Variants in MGST1 observed in about 807,000 individuals in gnomAD.
MGST1 encodes the protein glutathione S-transferase 12.
MGST1 carries 5 observed loss-of-function variants against 8.9 expected under a neutral mutation model. The observed-to-expected ratio is 0.56, with a 90% CI of 0.29 to 1.19. MGST1 has a LOEUF of 1.19. Among genes scored for constraint, MGST1 ranks in the 50% most tolerant of loss-of-function variants. MGST1 has a pLI of 0.08. For synonymous variants in MGST1, 54 were observed against 67.8 expected (o/e 0.80, Z 1.00); for missense variants, 182 against 187.4 (o/e 0.97, Z 0.17).
intron 4 of MGST1, among the ~76,000 whole-genome samples, chr12:16,562,252 G>A (rs1264576258): frequency 6.6e-6 from 1 of 152,068 alleles, no homozygotes; most frequent in Non-Finnish European, 1.5e-5. Context: ...CTGCTTAGGA[G>A]ATCTGCTTAG....
At chr12:16,550,625 A>T (rs944717431) in intron 4 of MGST1, 3 of 152,262 alleles carry the variant, frequency 2.0e-5, no homozygotes, top group Non-Finnish European at 4.4e-5. Flanking sequence ...ATAGACTCTA[A>T]CTCATAGCGG....
intron 1 of MGST1, among the ~76,000 whole-genome samples, chr12:16,422,437 G>C (rs1940847314): frequency 6.6e-6 from 1 of 152,052 alleles, no homozygotes; most frequent in South Asian, 2.1e-4. Flanking sequence ...CCTATTTTCA[G>C]CATGTGCCAC....
At chr12:16,385,392 A>G (rs1467088686) in intron 1 of MGST1, among the ~76,000 whole-genome samples, 3 of 152,078 alleles carry the variant, frequency 2.0e-5, no homozygotes, top group African/African-American at 4.8e-5. Context: ...CTGAGGTTAC[A>G]TCAATCACAT....
intron 4 of MGST1, among the ~76,000 whole-genome samples, chr12:16,484,210 C>A (rs1941383921): frequency 6.6e-6 from 1 of 152,108 alleles, no homozygotes. Context: ...AGAGGTAGAG[C>A]AAGAGGCAGC....
In MGST1 at chr12:16,587,508, T is replaced by C. The variant is rs906266980; in HGVS notation, n.483-2020T>C. Among the ~76,000 whole-genome samples the C allele has an allele frequency of 2.0e-5, 3 of 152,154 alleles. No individual in the cohort carries two copies. Among genetic ancestry groups the C allele is most frequent in the Non-Finnish European group, 4.4e-5 (3 of 68,018 alleles). On this transcript the variant is annotated intron_variant and non_coding_transcript_variant, in intron 4 of 4. Coordinates refer to the MGST1 transcript ENST00000538857. This position sits in a 1 kb window ranked among gnomAD's most constrained non-coding sequence, Gnocchi z 4.3. ...ACTACTAGCAAATAAACTGTGCCTC[T>C]TTTTTAAATAAACCCCTGGCCTTGA...
intron 4 of MGST1, among the ~76,000 whole-genome samples, chr12:16,457,186 C>A (rs1382414943): frequency 6.6e-6 from 1 of 151,960 alleles, no homozygotes; most frequent in African/African-American, 2.4e-5. Context: ...CGACAAAATT[C>A]TTACTAATGC....
rs191478158 is a variant in MGST1 at position 16,455,297 on chromosome 12, A to T, written n.482+71693A>T. Among the ~76,000 whole-genome samples the T allele has an allele frequency of 3.9e-5, 6 of 152,056 alleles. No individual in the cohort carries two copies. In the East Asian group the frequency reaches 1.2e-3, roughly 30 times the overall value. ...ATTCTCTCAACAAATTTATGATATG[A>T]GTACTATTTTGATCTCCATTTTTAA... On this transcript the variant is annotated intron_variant and non_coding_transcript_variant, in intron 4 of 4. Coordinates refer to the MGST1 transcript ENST00000538857.
At chr12:16,564,862 T>G (rs1351517131) in intron 4 of MGST1, among the ~76,000 whole-genome samples, 1 of 152,192 alleles carries the variant, frequency 6.6e-6, no homozygotes, top group Non-Finnish European at 1.5e-5. Flanking sequence ...CATGAGTCAC[T>G]GCAGCCTTGA....
At chr12:16,574,137 A>G (rs1039075368) in intron 4 of MGST1, among the ~76,000 whole-genome samples, 7 of 152,176 alleles carry the variant, frequency 4.6e-5, no homozygotes, top group African/African-American at 1.2e-4. Flanking sequence ...CATTATAAAA[A>G]TGCAACACCA....
chr12:16,478,307 C>T (rs1487146983), intron 4 of MGST1, among the ~76,000 whole-genome samples: 6 of 152,270 alleles, frequency 3.9e-5, no homozygotes, highest in African/African-American at 1.4e-4. Flanking sequence ...GGATTACAGG[C>T]GTGAGTCACC....
At chr12:16,449,155 C>G (rs540875730) in intron 4 of MGST1, among the ~76,000 whole-genome samples, 2 of 152,020 alleles carry the variant, frequency 1.3e-5, no homozygotes, top group Admixed American at 1.3e-4. Flanking sequence ...GCTTAATTGG[C>G]CCACAGTTCT....
chr12:16,526,705 C>A (rs757078757), intron 4 of MGST1, among the ~76,000 whole-genome samples: 2 of 151,794 alleles, frequency 1.3e-5, no homozygotes, highest in Non-Finnish European at 2.9e-5. Context: ...TATAATAAAA[C>A]CAGGTCTTGG....
At chr12:16,479,113 A>G (rs996111969) in intron 4 of MGST1, among the ~76,000 whole-genome samples, 1 of 151,830 alleles carries the variant, frequency 6.6e-6, no homozygotes, top group African/African-American at 2.4e-5. Flanking sequence ...TCTACAGTAT[A>G]GTATAGGAGT....
intron 2 of MGST1, among the ~76,000 whole-genome samples, chr12:16,355,514 T>A (rs1260465247): frequency 6.6e-6 from 1 of 152,006 alleles, no homozygotes; most frequent in African/African-American, 2.4e-5. Context: ...TATTTTGAGG[T>A]ATAATGGAAG....
chr12:16,501,098 GAA>G (rs71054822), intron 4 of MGST1, among the ~76,000 whole-genome samples: 248 of 83,764 alleles, frequency 3.0e-3, no homozygotes, highest in African/African-American at 9.1e-3. Flanking sequence ...ACTCTGTCTC[GAA>G]AAAAAAAAAA....
chr12:16,406,226 G>GA (rs1191387548), intron 1 of MGST1, among the ~76,000 whole-genome samples: 1 of 152,042 alleles, frequency 6.6e-6, no homozygotes, highest in Non-Finnish European at 1.5e-5. Context: ...TTTCAGGATA[G>GA]AAAATCAATA....
chr12:16,384,757 AT>A (rs1228511871), intron 1 of MGST1, among the ~76,000 whole-genome samples: 5 of 152,252 alleles, frequency 3.3e-5, no homozygotes, highest in African/African-American at 1.2e-4. Context: ...GCATAGTAAT[AT>A]TGGTCAGGTA....
In MGST1 at chr12:16,401,827, TGAA is replaced by T. The variant is rs1344695292; in HGVS notation, n.778+18227_778+18229del. The T allele has an allele frequency of 1.2e-6, 2 of 1,604,640 alleles. No individual in the cohort carries two copies. Among genetic ancestry groups the T allele is most frequent in the African/African-American group, 2.7e-5 (2 of 74,750 alleles). On this transcript the variant is annotated intron_variant and non_coding_transcript_variant, in intron 1 of 1. Transcript: ENST00000359720. This position sits in a 1 kb window ranked among gnomAD's most constrained non-coding sequence, Gnocchi z 4.3. ...TCAACTATTTCCATGACTCTTTCCT[TGAA>T]GAATTTGTTGAAGACTTCAGAAGTG...
intron 4 of MGST1, among the ~76,000 whole-genome samples, chr12:16,539,476 A>G (rs1427105577): frequency 1.3e-5 from 2 of 152,124 alleles, no homozygotes; most frequent in African/African-American, 4.8e-5. Context: ...ATGAGTCTAA[A>G]ACTCATCTTC....
Sources: allele counts gnomAD v4.1 joint callset (sites outside exome capture counted in the v4.1 genomes callset), GRCh38; gene constraint gnomAD v4.1.1; non-coding constraint Gnocchi (gnomAD v3.1); transcripts MANE v1.5; gene names NCBI Gene and HGNC (gene_info 2026-07-23, HGNC 2026-07-21).